SLC24A3: variants seen among roughly 807,000 people sequenced by gnomAD.
The protein encoded by SLC24A3 is sodium/potassium/calcium exchanger 3.
SLC24A3 carries 28 observed loss-of-function variants against 75.8 expected under a neutral mutation model. The observed-to-expected ratio is 0.37, with a 90% CI of 0.27 to 0.51. The LOEUF (loss-of-function observed/expected upper bound fraction) is 0.51, where lower values mean the gene tolerates loss of function less well. Ranked by LOEUF, SLC24A3 falls within the 20% of genes least tolerant of loss-of-function variation. The pLI is 0.94. For missense variants in SLC24A3, 663 were observed against 847.8 expected (o/e 0.78, Z 2.71); for synonymous variants, 372 against 334.1 (o/e 1.11, Z -1.24).
In SLC24A3 at chr20:19,436,594, T is replaced by C. The variant is rs536846578; in HGVS notation, c.272-78894T>C. On this transcript the variant is annotated intron_variant, in intron 2 of 16. Transcript: ENST00000328041. ...GGAGGTCTTCTGGCTGCCTCTCTCA[T>C]CATATCAGTCTTACTCTCTTTTACT... is the stretch of plus-strand genomic sequence containing the variant. Among the ~76,000 whole-genome samples, 7 of 152,304 alleles carry C rather than the reference T, an allele frequency of 4.6e-5. No individual in the cohort carries two copies. The East Asian group carries it at 1.4e-3, about 29-fold the overall frequency.
At chr20:19,601,528 C>T (rs2031527101) in intron 6 of SLC24A3, among the ~76,000 whole-genome samples, 1 of 152,202 alleles carries the variant, frequency 6.6e-6, no homozygotes, top group South Asian at 2.1e-4. Context: ...CATGCTCCCC[C>T]TTCTGACTCC....
At chr20:19,421,765 A>G (rs554879417) in intron 2 of SLC24A3, among the ~76,000 whole-genome samples, 14 of 152,332 alleles carry the variant, frequency 9.2e-5, no homozygotes, top group Admixed American at 1.3e-4. Context: ...CTTTTTGGCC[A>G]TGGGCTTCGC....
rs1354876971 is a variant in SLC24A3 at position 19,431,650 on chromosome 20, A to G, written c.272-83838A>G. ...GAAAACTCAGCCTGGAGTCAGAAGC[A>G]GTAGCCCCAGTCAACTTCATACTGA... On this transcript the variant is annotated intron_variant, in intron 2 of 16. Transcript: ENST00000328041. 2.0e-5 allele frequency among the ~76,000 whole-genome samples: 3 copies of G among 152,296 alleles called. No homozygotes were observed. The South Asian group carries it at 6.2e-4, about 32-fold the overall frequency.
intron 3 of SLC24A3, among the ~76,000 whole-genome samples, chr20:19,564,726 A>G (rs2030928511): frequency 6.6e-6 from 1 of 152,230 alleles, no homozygotes; most frequent in South Asian, 2.1e-4. Flanking sequence ...TGTAGTTTTC[A>G]AGATAAACCA....
intron 2 of SLC24A3, 28 bp from the exon 3 acceptor site, chr20:19,515,460 G>A: frequency 6.2e-7 from 1 of 1,612,444 alleles, no homozygotes; most frequent in Non-Finnish European, 8.5e-7. Flanking sequence ...CACCTGTGCT[G>A]AGACGGTTTT....
At chr20:19,346,802 T>C (rs57074921) in intron 2 of SLC24A3, among the ~76,000 whole-genome samples, 16,148 of 151,934 alleles carry the variant, frequency 0.11, 2,278 homozygotes, top group African/African-American at 0.33. Flanking sequence ...AAATTATTCA[T>C]GTAACCAAAC....
At chr20:19,685,388 G>T (rs1262835620) in intron 12 of SLC24A3, 27 bp downstream of exon 12, 1 of 1,607,468 alleles carries the variant, frequency 6.2e-7, no homozygotes, top group Admixed American at 1.7e-5. Context: ...CTGGGCTGGG[G>T]TTGGGAGCTA....
At chr20:19,511,414 G>A (rs1401659764) in intron 2 of SLC24A3, among the ~76,000 whole-genome samples, 1 of 150,162 alleles carries the variant, frequency 6.7e-6, no homozygotes, top group East Asian at 2.0e-4. Flanking sequence ...TGCAAGCTCC[G>A]CCTCTCAGGT....
At chr20:19,257,946 C>G (rs1269745824) in intron 1 of SLC24A3, among the ~76,000 whole-genome samples, 1 of 152,256 alleles carries the variant, frequency 6.6e-6, no homozygotes, top group African/African-American at 2.4e-5. Flanking sequence ...TCATCTCAGT[C>G]TCCTGAGTAG....
At chr20:19,314,926 T>C (rs1180058282) in intron 2 of SLC24A3, among the ~76,000 whole-genome samples, 1 of 152,202 alleles carries the variant, frequency 6.6e-6, no homozygotes, top group Non-Finnish European at 1.5e-5. Context: ...AATTGCAGTA[T>C]CACCCTGTCA....
intron 3 of SLC24A3, among the ~76,000 whole-genome samples, chr20:19,565,351 C>T (rs943642642): frequency 2.6e-5 from 4 of 151,964 alleles, no homozygotes; most frequent in African/African-American, 9.7e-5. Context: ...GCTACTAGAG[C>T]CACTTCACCA....
At chr20:19,264,995 A>T (rs934121222) in intron 1 of SLC24A3, among the ~76,000 whole-genome samples, 1 of 151,966 alleles carries the variant, frequency 6.6e-6, no homozygotes, top group Non-Finnish European at 1.5e-5. Context: ...GTTTCCTGGG[A>T]TTCTCTCCAG....
intron 3 of SLC24A3, among the ~76,000 whole-genome samples, chr20:19,523,939 A>G (rs1370190905): frequency 1.3e-5 from 2 of 152,082 alleles, no homozygotes; most frequent in East Asian, 3.9e-4. Context: ...ATCCTATTCT[A>G]CCTGAATACT....
intron 2 of SLC24A3, among the ~76,000 whole-genome samples, chr20:19,322,194 G>C (rs1056737760): frequency 6.6e-6 from 1 of 152,122 alleles, no homozygotes; most frequent in Non-Finnish European, 1.5e-5. Context: ...TGTGGCTTTA[G>C]TATCCTTGGA....
At chr20:19,605,214 A>G (rs2031580443) in intron 6 of SLC24A3, among the ~76,000 whole-genome samples, 1 of 152,246 alleles carries the variant, frequency 6.6e-6, no homozygotes, top group Non-Finnish European at 1.5e-5. Context: ...CCGTTTGTAC[A>G]AAGTGTATGA....
intron 3 of SLC24A3, among the ~76,000 whole-genome samples, chr20:19,538,878 G>A (rs903938790): frequency 9.8e-5 from 15 of 152,318 alleles, no homozygotes; most frequent in African/African-American, 3.4e-4. Flanking sequence ...ATAACAGAAA[G>A]GATAAACTGT....
rs753872552 is a variant in SLC24A3 at position 19,693,429 on chromosome 20, A to G, written c.1491+4A>G. 13 of 1,613,784 alleles carry G rather than the reference A, an allele frequency of 8.1e-6. No individual in the cohort carries two copies. The highest frequency in any genetic ancestry group is 1.0e-5 in the Non-Finnish European group (12 of 1,179,892). On this transcript the variant is annotated splice_donor_region_variant and intron_variant, in intron 13 of 16. Coordinates refer to ENST00000328041, the MANE Select transcript of SLC24A3 (RefSeq NM_020689.4). ...CTCCTACATGATGGTGTGGATGGTG[A>G]GTGCAATCGGGACCCCATGGCACTG...
intron 3 of SLC24A3, among the ~76,000 whole-genome samples, chr20:19,561,306 T>C (rs2122610830): frequency 6.6e-6 from 1 of 152,284 alleles, no homozygotes; most frequent in Middle Eastern, 3.4e-3. Context: ...TCAGTTGTAA[T>C]TAACATCGGA....
chr20:19,472,846 C>T (rs892600815), intron 2 of SLC24A3, among the ~76,000 whole-genome samples: 23 of 152,312 alleles, frequency 1.5e-4, no homozygotes, highest in East Asian at 9.7e-4. Context: ...CTTGGGCATG[C>T]GGACTTCCTG....
Sources: allele counts gnomAD v4.1 joint callset (sites outside exome capture counted in the v4.1 genomes callset), GRCh38; gene constraint gnomAD v4.1.1; transcripts MANE v1.5; gene names NCBI Gene and HGNC (gene_info 2026-07-23, HGNC 2026-07-21).